Variants in PCDHA5 observed in about 807,000 individuals in gnomAD.
PCDHA5 encodes protocadherin alpha-5.
Under a neutral mutation model 61.6 loss-of-function variants are expected in PCDHA5, and 43 were observed. The ratio of observed to expected loss-of-function variants is 0.70; its 90% CI spans 0.55 to 0.90. The LOEUF (loss-of-function observed/expected upper bound fraction) is 0.90, where lower values mean the gene tolerates loss of function less well. PCDHA5 is among the 40% of genes least tolerant of loss of function. PCDHA5 has a pLI of 0.00. For missense variants in PCDHA5, 1,298 were observed against 1,222.7 expected (o/e 1.06, Z -0.92); for synonymous variants, 627 against 543.9 (o/e 1.15, Z -2.13).
intron 3 of PCDHA5, among the ~76,000 whole-genome samples, chr5:140,991,686 A>G (rs2097465682): frequency 6.6e-6 from 1 of 152,196 alleles, no homozygotes; most frequent in Non-Finnish European, 1.5e-5. Context: ...AGTCCTCTCT[A>G]GTAGAGCCAT....
intron 2 of PCDHA5, among the ~76,000 whole-genome samples, chr5:140,979,943 T>A (rs2153820467): frequency 6.6e-6 from 1 of 152,364 alleles, no homozygotes; most frequent in Admixed American, 6.5e-5. Context: ...GTAGAGTTAA[T>A]GTGAAATTAG....
At chr5:140,941,852 T>G (rs1254913265) in intron 1 of PCDHA5, among the ~76,000 whole-genome samples, 2 of 152,236 alleles carry the variant, frequency 1.3e-5, no homozygotes, top group Non-Finnish European at 2.9e-5. Context: ...TTACCTGATA[T>G]TCCCTATCAT....
chr5:140,997,559 T>C (rs550494855), intron 3 of PCDHA5, among the ~76,000 whole-genome samples: 9 of 152,148 alleles, frequency 5.9e-5, no homozygotes, highest in Non-Finnish European at 1.3e-4. Context: ...ACAGGACAAC[T>C]GTCATATGTG....
chr5:140,967,156 G>T, intron 1 of PCDHA5: 1 of 1,610,540 alleles, frequency 6.2e-7, no homozygotes, highest in Non-Finnish European at 8.5e-7. Context: ...ACCCCGTGGC[G>T]GTGAGCGCCG....
Position 141,010,316 on chromosome 5 carries a change from G to T in PCDHA5, c.*379G>T. ...GGGCAGGCTGAAAAGTTTTGAGATT[G>T]AGCAGCTTGGGAGTTTGTGGCCACT... On this transcript the variant is annotated 3_prime_UTR_variant, in exon 4 of 4. Coordinates refer to ENST00000529859, the MANE Select transcript of PCDHA5 (RefSeq NM_018908.3). The T allele has an allele frequency of 1.3e-6, 2 of 1,546,404 alleles. No individual in the cohort carries two copies. The highest frequency in any genetic ancestry group is 2.4e-5 in the South Asian group (2 of 83,328).
At chr5:140,901,433 A>G (rs1472475784) in intron 1 of PCDHA5, among the ~76,000 whole-genome samples, 2 of 152,104 alleles carry the variant, frequency 1.3e-5, no homozygotes, top group Non-Finnish European at 2.9e-5. Flanking sequence ...CTGCATATGG[A>G]TATCTAGTTT....
At chr5:140,833,100 T>C (rs1432109647) in intron 1 of PCDHA5, among the ~76,000 whole-genome samples, 1 of 152,166 alleles carries the variant, frequency 6.6e-6, no homozygotes, top group Non-Finnish European at 1.5e-5. Context: ...ACGAGTAATT[T>C]TGACACTCTT....
chr5:140,848,592 T>C, intron 1 of PCDHA5: 1 of 1,594,614 alleles, frequency 6.3e-7, no homozygotes, highest in Non-Finnish European at 8.6e-7. Context: ...CCAGCTCCAC[T>C]ACTCCGTCCC....
intron 1 of PCDHA5, chr5:140,858,228 A>T: frequency 6.3e-7 from 1 of 1,595,134 alleles, no homozygotes; most frequent in Non-Finnish European, 8.6e-7. Flanking sequence ...GCGCCCACCG[A>T]GGGCGCATGT....
chr5:140,988,578 C>A (rs1490917539), intron 3 of PCDHA5, among the ~76,000 whole-genome samples: 1 of 152,138 alleles, frequency 6.6e-6, no homozygotes, highest in African/African-American at 2.4e-5. Context: ...ACACTCTGTA[C>A]CTTCCACTTT....
chr5:140,966,641 A>T, intron 1 of PCDHA5: 1 of 1,104,530 alleles, frequency 9.1e-7, no homozygotes, highest in South Asian at 2.2e-5. Flanking sequence ...GGCGCTTTCT[A>T]GAGCGTGAGC....
At chr5:140,856,112 GCC>G (rs2043785671) in intron 1 of PCDHA5, 1 of 1,598,078 alleles carries the variant, frequency 6.3e-7, no homozygotes, top group Non-Finnish European at 8.6e-7. Context: ...TCTCCTCGCA[GCC>G]TGGGAGGTGG....
At chr5:140,841,633 C>T in intron 1 of PCDHA5, 1 of 1,614,144 alleles carries the variant, frequency 6.2e-7, no homozygotes, top group Non-Finnish European at 8.5e-7. Flanking sequence ...AGTGCAGCAT[C>T]CACCTGGAGG....
chr5:140,876,469 C>T, intron 1 of PCDHA5: 1 of 1,613,956 alleles, frequency 6.2e-7, no homozygotes. Context: ...CATGGCAGGT[C>T]ACAGCATGGT....
intron 1 of PCDHA5, among the ~76,000 whole-genome samples, chr5:140,903,228 C>T (rs1417505177): frequency 1.3e-5 from 2 of 152,112 alleles, no homozygotes; most frequent in Non-Finnish European, 2.9e-5. Flanking sequence ...ACATCTATTA[C>T]TTTTTGATTT....
intron 1 of PCDHA5, among the ~76,000 whole-genome samples, chr5:140,901,442 T>G (rs1490397176): frequency 6.6e-6 from 1 of 152,206 alleles, no homozygotes; most frequent in Non-Finnish European, 1.5e-5. Flanking sequence ...GATATCTAGT[T>G]TCCCAGCACA....
chr5:140,858,198 C>G, intron 1 of PCDHA5: 1 of 1,597,410 alleles, frequency 6.3e-7, no homozygotes, highest in Admixed American at 1.7e-5. Flanking sequence ...CTGCTGTACA[C>G]TGCACTGAGG....
chr5:140,866,372 AT>A (rs1191186521), intron 1 of PCDHA5: 2 of 152,168 alleles, frequency 1.3e-5, no homozygotes, highest in East Asian at 3.8e-4. Context: ...GCATACTTCA[AT>A]AACAATTTTA....
At chr5:140,885,267 C>T (rs1448375746) in intron 1 of PCDHA5, among the ~76,000 whole-genome samples, 1 of 151,978 alleles carries the variant, frequency 6.6e-6, no homozygotes, top group Non-Finnish European at 1.5e-5. Flanking sequence ...ATTACTCATA[C>T]ATATATATAT....
Sources: allele counts gnomAD v4.1 joint callset (sites outside exome capture counted in the v4.1 genomes callset), GRCh38; gene constraint gnomAD v4.1.1; transcripts MANE v1.5; gene names NCBI Gene and HGNC (gene_info 2026-07-23, HGNC 2026-07-21).